ADCY7: variants seen among roughly 807,000 people sequenced by gnomAD.
The protein encoded by ADCY7 is adenylate cyclase 7.
In ADCY7, 72 loss-of-function variants were observed where a neutral mutation model predicts 120.6. The observed-to-expected ratio is 0.60, with a 90% CI of 0.49 to 0.73. The LOEUF is 0.73. ADCY7 is among the 30% of genes least tolerant of loss of function. ADCY7 has a pLI of 0.00. For missense variants in ADCY7, 1,227 were observed against 1,486.0 expected, an observed-to-expected ratio of 0.83 and a Z score of 2.87; for synonymous variants, 661 against 628.0, an observed-to-expected ratio of 1.05 and a Z score of -0.78.
intron 8 of ADCY7, 117 bp from the exon 9 acceptor site, chr16:50,300,598 G>A (rs1023260047): frequency 2.5e-5 from 31 of 1,247,116 alleles, no homozygotes; most frequent in East Asian, 1.3e-4. Context: ...ATTCTCTCCC[G>A]TGGGCTGAGC....
chr16:50,299,713 C>T (rs2035591190), intron 8 of ADCY7, among the ~76,000 whole-genome samples: 1 of 152,254 alleles, frequency 6.6e-6, no homozygotes, highest in Admixed American at 6.5e-5. Context: ...GGGGCCTGGC[C>T]TGCACCACTG....
At position 50,305,549 on chromosome 16, in the gene ADCY7, G is replaced by A. The variant is rs867194757; in HGVS notation, c.1642G>A (p.Glu548Lys). The change falls in exon 13 of 26, where the codon GAG becomes AAG. Residue 548 changes from glutamate to lysine, a missense_variant. Around this residue, in one of 5 missense-constraint regions of ADCY7, gnomAD observed 332 missense variants for 455.8 expected, o/e 0.73. Coordinates refer to ENST00000673801, the MANE Select transcript of ADCY7 (RefSeq NM_001114.5). ...GTCGGAGGATGACTCGTACGATGAC[G>A]AGATGCTGTCAGCCATTGAGGGGCT... ...GRSEDDSYDDEMLSAIEGLSS... is the reference protein window; with the variant it reads ...GRSEDDSYDDKMLSAIEGLSS... 2 of 1,608,010 alleles carry A rather than the reference G, an allele frequency of 1.2e-6. No individual in the cohort carries two copies. Among genetic ancestry groups the A allele is most frequent in the South Asian group, 1.1e-5 (1 of 90,086 alleles).
intron 18 of ADCY7, among the ~76,000 whole-genome samples, chr16:50,309,992 G>A (rs2036344800): frequency 6.6e-6 from 1 of 152,208 alleles, no homozygotes; most frequent in South Asian, 2.1e-4. Context: ...TCAGGGAGGG[G>A]CTTCATTAGG....
chr16:50,316,927 CAA>C lies in ADCY7; in HGVS notation c.*1424_*1425del, dbSNP rs1201598759. The C allele has an allele frequency of 1.3e-5, 2 of 152,636 alleles. No individual in the cohort carries two copies. Among genetic ancestry groups the C allele is most frequent in the Non-Finnish European group, 2.9e-5 (2 of 68,038 alleles). 9.5% of individuals were successfully genotyped at this position (152,636 alleles called of 1,614,324 possible). A position where few individuals can be genotyped will look rare whatever the true frequency, so the allele number is the denominator to read the frequency against. ...CCCATGAACCCCGTAAAGTTCTACA[CAA>C]AGTCTTGCATACAGGAGCCTTTACA... On this transcript the variant is annotated 3_prime_UTR_variant, in exon 26 of 26. Transcript: ENST00000673801.
chr16:50,279,863 T>C (rs2034139880), intron 1 of ADCY7, among the ~76,000 whole-genome samples: 1 of 152,062 alleles, frequency 6.6e-6, no homozygotes, highest in South Asian at 2.1e-4. Flanking sequence ...ATGAATGAAG[T>C]GGAGGGGAGG....
intron 4 of ADCY7, 58 bp downstream of exon 4, chr16:50,291,955 TG>T (rs1052884134): frequency 1.8e-5 from 28 of 1,529,636 alleles, no homozygotes; most frequent in Admixed American, 1.0e-4. Flanking sequence ...TAAGGGCAGA[TG>T]GGGGGGCCCC....
Position 50,315,073 on chromosome 16 carries a change from A to T in ADCY7, c.3031A>T (p.Ile1011Phe), listed in dbSNP as rs2036729001. The T allele has an allele frequency of 6.2e-7, 1 of 1,614,266 alleles. No individual in the cohort carries two copies. The highest frequency in any genetic ancestry group is 2.2e-5 in the East Asian group (1 of 44,890). ...VIGARKPQYD[I>F]WGNTVNVASR... ...TGGGGCCCGAAAACCTCAGTATGAC[A>T]TCTGGGGAAACACTGTCAATGTGGC... The change falls in exon 25 of 26, where the codon ATC (isoleucine) becomes TTC (phenylalanine). Residue 1011 changes from isoleucine to phenylalanine, a missense_variant. Ile to Phe is a conservative substitution (Grantham distance 21). Transcript: ENST00000673801.
Position 50,317,169 on chromosome 16 carries a change from A to C in ADCY7, c.*1664A>C, listed in dbSNP as rs1157774978. Reference sequence around the variant, plus strand: ...TAATTTGCACAAAGGTGCTGGGTAGACTAGTGGCAGCTCTCATGTGCTGCA... The same window carrying C: ...TAATTTGCACAAAGGTGCTGGGTAGCCTAGTGGCAGCTCTCATGTGCTGCA... On this transcript the variant is annotated 3_prime_UTR_variant, in exon 26 of 26. Transcript: ENST00000673801. 6.5e-6 allele frequency: 1 copy of C among 152,820 alleles called. No individual in the cohort carries two copies. Among genetic ancestry groups the C allele is most frequent in the African/African-American group, 2.4e-5 (1 of 41,472 alleles). 9.5% of individuals were successfully genotyped at this position (152,820 alleles called of 1,614,324 possible).
Position 50,311,809 on chromosome 16 carries a change from C to T in ADCY7, c.2448+23C>T, listed in dbSNP as rs377431616. ...CAGGTAAGGAGGCTGGCCCCCCCCCCCCCCCCAAGCTCTGCCCACTTTTCC... is the reference window on the plus strand; with the variant it reads ...CAGGTAAGGAGGCTGGCCCCCCCCCTCCCCCCAAGCTCTGCCCACTTTTCC... On this transcript the variant is annotated intron_variant, in intron 20 of 25. Transcript: ENST00000673801. 135 of 1,338,262 alleles carry T rather than the reference C, an allele frequency of 1.0e-4. 4 individuals carry two copies. The highest frequency in any genetic ancestry group is 2.5e-4 in the Admixed American group (13 of 52,918). 82.9% of individuals were successfully genotyped at this position (1,338,262 alleles called of 1,614,324 possible). A position where few individuals can be genotyped will look rare whatever the true frequency, so the allele number is the denominator to read the frequency against.
chr16:50,310,441 G>A (rs1421006541), intron 18 of ADCY7: 8 of 1,535,506 alleles, frequency 5.2e-6, no homozygotes, highest in Non-Finnish European at 7.0e-6. Flanking sequence ...ACTGTGGTCT[G>A]TTGTATCCAC....
In ADCY7 at chr16:50,315,483, T is replaced by G; in HGVS notation, c.3221T>G (p.Phe1074Cys). Reference sequence around the variant, plus strand: ...TTTGTCTGTACGGACACTGCCAAGTTTCAGGGGCTGGGGCTGAACTGAGGG... The same window carrying G: ...TTTGTCTGTACGGACACTGCCAAGTGTCAGGGGCTGGGGCTGAACTGAGGG... ...TYFVCTDTAK[F>C]QGLGLN Residue 1074 changes from phenylalanine to cysteine, a missense_variant, in exon 26 of 26, where the codon TTT becomes TGT. Physicochemically the swap from Phe to Cys is radical, Grantham distance 205. Around this residue, in one of 5 missense-constraint regions of ADCY7, gnomAD observed 244 missense variants for 332.8 expected, o/e 0.73. Coordinates refer to ENST00000673801, the MANE Select transcript of ADCY7 (RefSeq NM_001114.5). 6.2e-7 allele frequency: 1 copy of G among 1,613,278 alleles called. No individual in the cohort carries two copies. Among genetic ancestry groups the G allele is most frequent in the Non-Finnish European group, 8.5e-7 (1 of 1,179,270 alleles).
intron 1 of ADCY7, among the ~76,000 whole-genome samples, chr16:50,285,168 G>A (rs910963843): frequency 2.6e-5 from 4 of 152,236 alleles, no homozygotes; most frequent in African/African-American, 7.2e-5. Context: ...ATCATTTCAC[G>A]TAGAAATCAG....
chr16:50,283,908 C>T (rs368992879), intron 1 of ADCY7, among the ~76,000 whole-genome samples: 16 of 152,156 alleles, frequency 1.1e-4, no homozygotes, highest in African/African-American at 2.4e-4. Flanking sequence ...GGTGAGCCCC[C>T]CCGTCATGGA....
At chr16:50,292,604 G>T (rs751382808) in intron 4 of ADCY7, 72 bp from the exon 5 acceptor site, 3 of 1,563,744 alleles carry the variant, frequency 1.9e-6, no homozygotes, top group Non-Finnish European at 2.6e-6. Flanking sequence ...TCACTAGTCC[G>T]CCTAGGGGTC....
chr16:50,308,223 C>G, intron 15 of ADCY7, 104 bp from the exon 16 acceptor site: 1 of 1,593,364 alleles, frequency 6.3e-7, no homozygotes, highest in South Asian at 1.1e-5. Context: ...GGGCAGAATA[C>G]CAGGTAGGGT....
At chr16:50,250,984 C>G (rs184271707) in intron 1 of ADCY7, among the ~76,000 whole-genome samples, 1 of 152,052 alleles carries the variant, frequency 6.6e-6, no homozygotes, top group Admixed American at 6.5e-5. Context: ...CCTGTAATCC[C>G]AGCACTTTGG....
chr16:50,309,258 A>AC (rs1293482307), intron 17 of ADCY7: 1 of 413,860 alleles, frequency 2.4e-6, no homozygotes, highest in African/African-American at 2.0e-5. Flanking sequence ...TCCTGTGACC[A>AC]CCTCCCTCAG....
chr16:50,271,233 C>A (rs2033552515), intron 1 of ADCY7, among the ~76,000 whole-genome samples: 1 of 152,148 alleles, frequency 6.6e-6, no homozygotes, highest in Non-Finnish European at 1.5e-5. Context: ...TGCTTTCCTG[C>A]CGCCACCAGC....
chr16:50,296,314 A>C (rs1052241355), intron 7 of ADCY7, among the ~76,000 whole-genome samples: 3 of 151,394 alleles, frequency 2.0e-5, no homozygotes, highest in African/African-American at 7.3e-5. Context: ...CAGCCTCCCA[A>C]AGTGCTAGGA....
Sources: allele counts gnomAD v4.1 joint callset (sites outside exome capture counted in the v4.1 genomes callset), GRCh38; gene constraint gnomAD v4.1.1; regional missense constraint gnomAD v4.1.1; transcripts MANE v1.5; gene names NCBI Gene and HGNC (gene_info 2026-07-23, HGNC 2026-07-21).